The following PSMA3 variants were observed in gnomAD, a reference collection of about 807,000 sequenced individuals.
The protein encoded by PSMA3 is proteasome 20S subunit alpha 3.
A neutral mutation model predicts 40.0 loss-of-function variants in PSMA3; 8 were observed. The observed-to-expected ratio is 0.20, with a 90% CI of 0.12 to 0.36. The LOEUF is 0.36. PSMA3 is among the 10% of genes least tolerant of loss of function. The pLI is 1.00. For synonymous variants in PSMA3, 110 were observed against 100.0 expected, an observed-to-expected ratio of 1.10 and a Z score of -0.59; for missense variants, 219 against 310.6, an observed-to-expected ratio of 0.70 and a Z score of 2.22.
At position 58,260,975 on chromosome 14, in the gene PSMA3, T is replaced by C. The variant is rs1890265648; in HGVS notation, c.432T>C (p.Asn144=). The change falls in exon 6 of 11, where the codon AAT becomes AAC. Residue 144 remains asparagine, a synonymous_variant. Transcript: ENST00000216455. ...TCATGTTAGGGTCTTACAGTGTGAA[T>C]GACGGTGCGCAACTCTACATGATTG... ...CSFMLGSYSV[N]DGAQLYMIDP... 1.2e-6 allele frequency: 2 copies of C among 1,613,050 alleles called. No individual in the cohort carries two copies. Among genetic ancestry groups the C allele is most frequent in the Non-Finnish European group, 8.5e-7 (1 of 1,179,212 alleles).
intron 3 of PSMA3, among the ~76,000 whole-genome samples, chr14:58,254,652 G>A (rs1045690788): frequency 6.6e-6 from 1 of 151,862 alleles, no homozygotes; most frequent in Non-Finnish European, 1.5e-5. Flanking sequence ...AGACATTGAA[G>A]AGGGCTGGAG....
In PSMA3 at chr14:58,270,269, A is replaced by G. The variant is rs147069799; in HGVS notation, c.591-149A>G. 2.4e-4 allele frequency: 261 copies of G among 1,107,046 alleles called. 1 individual carries two copies. The African/African-American group carries it at 3.9e-3, about 17-fold the overall frequency. 68.6% of individuals were successfully genotyped at this position (1,107,046 alleles called of 1,614,324 possible). A position where few individuals can be genotyped will look rare whatever the true frequency, so the allele number is the denominator to read the frequency against. On this transcript the variant is annotated intron_variant, in intron 8 of 10. Transcript: ENST00000216455. ...AGTCCCTGTGTAATTTGTCTTCTCT[A>G]ATGTTAAATACTATGTAGAATGTGT... is the stretch of plus-strand genomic sequence containing the variant.
At chr14:58,249,748 C>T (rs550585215) in intron 2 of PSMA3, among the ~76,000 whole-genome samples, 32 of 152,246 alleles carry the variant, frequency 2.1e-4, no homozygotes, top group Middle Eastern at 3.4e-3. Flanking sequence ...CCAAGTGATC[C>T]GCCTGCTTAG....
At chr14:58,255,694 G>A (rs1335463270) in intron 3 of PSMA3, among the ~76,000 whole-genome samples, 1 of 152,148 alleles carries the variant, frequency 6.6e-6, no homozygotes, top group Non-Finnish European at 1.5e-5. Flanking sequence ...CCTTGAACCT[G>A]GGAGGTGGAG....
intron 3 of PSMA3, among the ~76,000 whole-genome samples, chr14:58,255,036 G>C (rs1241665869): frequency 1.3e-5 from 2 of 152,138 alleles, no homozygotes; most frequent in East Asian, 1.9e-4. Flanking sequence ...CTGGGCTAGA[G>C]GGTTTCAAAA....
intron 7 of PSMA3, chr14:58,264,970 G>C (rs1890393762): frequency 6.6e-6 from 1 of 152,156 alleles, no homozygotes; most frequent in Non-Finnish European, 1.5e-5. Flanking sequence ...TTGAAAATTA[G>C]AATATTTATG....
chr14:58,250,243 C>T (rs966113701), intron 2 of PSMA3, among the ~76,000 whole-genome samples: 29 of 94,206 alleles, frequency 3.1e-4, no homozygotes, highest in Non-Finnish European at 6.0e-4. Flanking sequence ...AAAATAGGGA[C>T]AGAGTTTCAA....
Position 58,244,849 on chromosome 14 carries a change from T to C in PSMA3, c.-72T>C, listed in dbSNP as rs1889838902. 2.5e-6 allele frequency: 4 copies of C among 1,604,140 alleles called. No homozygotes were observed. The highest frequency in any genetic ancestry group is 3.4e-6 in the Non-Finnish European group (4 of 1,171,092). On this transcript the variant is annotated 5_prime_UTR_variant, in exon 1 of 11. Transcript: ENST00000216455. ...GCCAATGAGCGGGCCTGTTACTAGT[T>C]TGCGGCATCCTGTGGTATAGGGGAA... is the stretch of plus-strand genomic sequence containing the variant.
At chr14:58,258,392 C>T (rs1483592868) in intron 5 of PSMA3, 1 of 152,578 alleles carries the variant, frequency 6.6e-6, no homozygotes, top group Non-Finnish European at 1.4e-5. Context: ...GAGCTGTGGC[C>T]ATACCACTGT....
intron 9 of PSMA3, 123 bp downstream of exon 9, chr14:58,270,608 G>T: frequency 1.3e-6 from 2 of 1,501,568 alleles, no homozygotes; most frequent in Non-Finnish European, 1.8e-6. Context: ...CTAATGAAGG[G>T]AAAGTTCTGC....
At chr14:58,266,454 G>A (rs1842963410) in intron 7 of PSMA3, 2 of 152,062 alleles carry the variant, frequency 1.3e-5, no homozygotes, top group Non-Finnish European at 2.9e-5. Flanking sequence ...TGTCTGTTCA[G>A]AAATGCCTGT....
chr14:58,257,101 CAAA>C (rs60421135), intron 3 of PSMA3, among the ~76,000 whole-genome samples: 191 of 104,668 alleles, frequency 1.8e-3, no homozygotes, highest in Admixed American at 2.5e-3. Flanking sequence ...GACTCTGTCT[CAAA>C]AAAAAAAAAA....
chr14:58,259,540 C>T (rs1007917165), intron 5 of PSMA3, among the ~76,000 whole-genome samples: 1 of 152,094 alleles, frequency 6.6e-6, no homozygotes, highest in African/African-American at 2.4e-5. Context: ...GTCTCAAACT[C>T]CTGACCTCAA....
At chr14:58,264,687 AATG>A (rs1890385214) in intron 7 of PSMA3, 1 of 152,218 alleles carries the variant, frequency 6.6e-6, no homozygotes, top group Non-Finnish European at 1.5e-5. Flanking sequence ...GCATTTATAC[AATG>A]CTAAGTTCTA....
At position 58,270,419 on chromosome 14, in the gene PSMA3, A is replaced by G; in HGVS notation, c.592A>G (p.Ile198Val). ...TTACCTTTCCCTTTTCTATTCTAGA[A>G]TTTACATAGTACATGACGAAGTTAA... The part of the protein sequence containing the change: ...RDIVKEVAKI[I>V]YIVHDEVKDK... The change falls in exon 9 of 11, where the codon ATT (isoleucine) becomes GTT (valine). Residue 198 changes from isoleucine (I) to valine (V), a missense_variant and splice_region_variant. Coordinates refer to ENST00000216455, the MANE Select transcript of PSMA3 (RefSeq NM_002788.4). 6.2e-7 allele frequency: 1 copy of G among 1,613,428 alleles called. No individual in the cohort carries two copies. The highest frequency in any genetic ancestry group is 8.5e-7 in the Non-Finnish European group (1 of 1,179,662).
chr14:58,269,101 A>AT (rs1890534871), intron 8 of PSMA3, among the ~76,000 whole-genome samples: 1 of 151,868 alleles, frequency 6.6e-6, no homozygotes, highest in Admixed American at 6.6e-5. Flanking sequence ...CACCTGGCTA[A>AT]TTTTTGTATT....
At chr14:58,267,731 G>T (rs1433055116) in intron 8 of PSMA3, 3 of 927,366 alleles carry the variant, frequency 3.2e-6, no homozygotes, top group East Asian at 9.6e-5. Flanking sequence ...GGGAAAAATA[G>T]CTTGACAAAA....
intron 3 of PSMA3, among the ~76,000 whole-genome samples, chr14:58,255,921 T>A (rs1890133576): frequency 6.6e-6 from 1 of 152,150 alleles, no homozygotes; most frequent in Non-Finnish European, 1.5e-5. Context: ...TGTAGTGGCG[T>A]GATCTCGGCT....
chr14:58,256,982 A>G (rs776108666), intron 3 of PSMA3, among the ~76,000 whole-genome samples: 4 of 151,042 alleles, frequency 2.6e-5, no homozygotes, highest in Non-Finnish European at 5.9e-5. Flanking sequence ...AAATTAGCCA[A>G]TCCCAGCTAC....
Sources: allele counts gnomAD v4.1 joint callset (sites outside exome capture counted in the v4.1 genomes callset), GRCh38; gene constraint gnomAD v4.1.1; transcripts MANE v1.5; gene names NCBI Gene and HGNC (gene_info 2026-07-23, HGNC 2026-07-21).